Variants in MAST4 observed in about 807,000 individuals in gnomAD.
MAST4 encodes the protein microtubule associated serine/threonine kinase family member 4.
MAST4 carries 89 observed loss-of-function variants against 162.7 expected under a neutral mutation model. The ratio of observed to expected loss-of-function variants is 0.55; its 90% CI spans 0.46 to 0.65. The LOEUF is 0.65. Among genes scored for constraint, MAST4 ranks in the 30% least tolerant of loss-of-function variants. The probability of loss-of-function intolerance (pLI) is 0.00; values close to 1 mark genes in which losing one functional copy is unlikely to be tolerated. For missense variants in MAST4, 3,153 were observed against 3,374.0 expected (o/e 0.93, Z 1.62); for synonymous variants, 1,479 against 1,361.1 (o/e 1.09, Z -1.91).
chr5:66,900,008 GT>G, intron 4 of MAST4, 26 bp downstream of exon 4: 1 of 1,463,650 alleles, frequency 6.8e-7, no homozygotes, highest in Non-Finnish European at 9.1e-7. Flanking sequence ...TTGTTTCCTT[GT>G]TTTCTTTTTA....
At chr5:66,632,216 G>A (rs1371340341) in intron 1 of MAST4, among the ~76,000 whole-genome samples, 1 of 152,168 alleles carries the variant, frequency 6.6e-6, no homozygotes, top group Non-Finnish European at 1.5e-5. Flanking sequence ...AGCTTCTGAA[G>A]GAAGCTGTTA....
At chr5:66,823,435 G>A (rs1757089566) in intron 3 of MAST4, among the ~76,000 whole-genome samples, 1 of 152,156 alleles carries the variant, frequency 6.6e-6, no homozygotes, top group African/African-American at 2.4e-5. Flanking sequence ...TACATATAAA[G>A]TACTTACAGC....
At chr5:66,984,599 G>A (rs888813232) in intron 4 of MAST4, among the ~76,000 whole-genome samples, 1 of 152,182 alleles carries the variant, frequency 6.6e-6, no homozygotes, top group Non-Finnish European at 1.5e-5. Flanking sequence ...CCTGGTTTCT[G>A]TGTAGAGGGT....
intron 4 of MAST4, chr5:67,004,797 A>AGGAC: frequency 1.8e-6 from 1 of 557,966 alleles, no homozygotes; most frequent in South Asian, 2.1e-5. Flanking sequence ...ATTAAAGGCT[A>AGGAC]GGACGGGACG....
At chr5:66,744,511 GA>G (rs1752643127) in intron 1 of MAST4, among the ~76,000 whole-genome samples, 1 of 152,172 alleles carries the variant, frequency 6.6e-6, no homozygotes, top group South Asian at 2.1e-4. Flanking sequence ...AATTTATAAG[GA>G]AAAGAGGTTT....
At chr5:66,891,611 A>G (rs941352097) in intron 3 of MAST4, among the ~76,000 whole-genome samples, 1 of 151,808 alleles carries the variant, frequency 6.6e-6, no homozygotes, top group Non-Finnish European at 1.5e-5. Context: ...TGTCCTGCTG[A>G]TTTTTCCTTC....
At chr5:66,629,040 G>A (rs771576741) in intron 1 of MAST4, among the ~76,000 whole-genome samples, 1 of 152,148 alleles carries the variant, frequency 6.6e-6, no homozygotes, top group Non-Finnish European at 1.5e-5. Flanking sequence ...AACCTTCACA[G>A]CAGATATTGA....
rs187222663 is a variant in MAST4 at position 66,689,521 on chromosome 5, G to C, written c.364-70188G>C. Among the ~76,000 whole-genome samples the C allele has an allele frequency of 6.6e-5, 10 of 151,908 alleles. 1 individual carries two copies. Among genetic ancestry groups the C allele is most frequent in the South Asian group, 4.2e-4 (2 of 4,796 alleles). Reference sequence around the variant, plus strand: ...GTTTCTCTTTCTCTTACTTTCCTTCGTAAACCTACCAGTGCTCTGTCTTCC... The same window carrying C: ...GTTTCTCTTTCTCTTACTTTCCTTCCTAAACCTACCAGTGCTCTGTCTTCC... On this transcript the variant is annotated intron_variant, in intron 1 of 28. Transcript: ENST00000403625.
At chr5:66,777,956 TC>T (rs1322139235) in intron 2 of MAST4, among the ~76,000 whole-genome samples, 2 of 152,208 alleles carry the variant, frequency 1.3e-5, no homozygotes, top group Non-Finnish European at 2.9e-5. Context: ...ATCTGTCATT[TC>T]CCAGGGGGGT....
intron 1 of MAST4, among the ~76,000 whole-genome samples, chr5:66,753,301 C>CA (rs759026402): frequency 3.6e-4 from 54 of 151,982 alleles, no homozygotes; most frequent in South Asian, 4.2e-4. Context: ...TAACTAAAAT[C>CA]GAGCAGAACT....
intron 1 of MAST4, among the ~76,000 whole-genome samples, chr5:66,724,299 A>C (rs1436988959): frequency 6.6e-6 from 1 of 152,192 alleles, no homozygotes; most frequent in African/African-American, 2.4e-5. Context: ...AGAGGAATAC[A>C]GGGCATGATT....
chr5:66,885,080 G>A (rs931505879), intron 3 of MAST4, among the ~76,000 whole-genome samples: 3 of 152,160 alleles, frequency 2.0e-5, no homozygotes, highest in African/African-American at 7.2e-5. Context: ...CTCTTGCACA[G>A]ACAGAATGCA....
chr5:66,726,622 T>A (rs1751537181), intron 1 of MAST4, among the ~76,000 whole-genome samples: 1 of 151,992 alleles, frequency 6.6e-6, no homozygotes, highest in South Asian at 2.1e-4. Context: ...TTCAAATAGA[T>A]CAGGGGTCGC....
intron 1 of MAST4, among the ~76,000 whole-genome samples, chr5:66,635,290 A>G (rs1292050016): frequency 6.6e-6 from 1 of 152,188 alleles, no homozygotes. Flanking sequence ...TCTGGAAACG[A>G]CACGTTAGTT....
intron 5 of MAST4, among the ~76,000 whole-genome samples, chr5:67,073,009 A>G (rs1239730713): frequency 6.6e-6 from 1 of 152,232 alleles, no homozygotes. Context: ...TAGACTTTTC[A>G]TGAGTATGTA....
chr5:66,796,083 A>G (rs1480540788), intron 3 of MAST4, among the ~76,000 whole-genome samples: 1 of 152,212 alleles, frequency 6.6e-6, no homozygotes, highest in Non-Finnish European at 1.5e-5. Flanking sequence ...GATAAATCTC[A>G]TTATAGGCTC....
At chr5:67,128,888 C>A (rs1490761177) in intron 14 of MAST4, among the ~76,000 whole-genome samples, 1 of 152,206 alleles carries the variant, frequency 6.6e-6, no homozygotes, top group Non-Finnish European at 1.5e-5. Flanking sequence ...TTGGAGATTT[C>A]AAACCTGTTC....
Position 66,969,326 on chromosome 5 carries a change from G to C in MAST4, c.674+69344G>C, listed in dbSNP as rs145401698. On this transcript the variant is annotated intron_variant, in intron 4 of 28. Transcript: ENST00000403625. ...TCACAGACTAGGAGTTATGGTGCCT[G>C]AGTCTTGGTCACAGACCTCACCACA... Among the ~76,000 whole-genome samples, 243 of 152,308 alleles carry C rather than the reference G, an allele frequency of 1.6e-3. 1 individual carries two copies. The highest frequency in any genetic ancestry group is 3.9e-3 in the Admixed American group (59 of 15,308).
intron 13 of MAST4, among the ~76,000 whole-genome samples, chr5:67,119,417 A>C (rs1000706035): frequency 6.6e-6 from 1 of 152,178 alleles, no homozygotes; most frequent in African/African-American, 2.4e-5. Flanking sequence ...ACCAGGATGC[A>C]TCAGAGTAGG....
Sources: gnomAD v4.1 joint callset for allele counts (sites outside exome capture counted in the v4.1 genomes callset) on GRCh38, gnomAD v4.1.1 for gene constraint, MANE v1.5 for transcripts, NCBI Gene and HGNC (gene_info 2026-07-23, HGNC 2026-07-21) for gene names.